The following TMEM123 variants were observed in gnomAD, a reference collection of about 807,000 sequenced individuals.
TMEM123 encodes transmembrane protein 123.
TMEM123 carries 16 observed loss-of-function variants against 19.7 expected under a neutral mutation model. The observed-to-expected ratio is 0.81, with a 90% confidence interval of 0.55 to 1.23. TMEM123 has a LOEUF of 1.23. Among genes scored for constraint, TMEM123 ranks in the 50% most tolerant of loss-of-function variants. The pLI is 0.00. For missense variants in TMEM123, 313 were observed against 257.8 expected (o/e 1.21, Z -1.47); for synonymous variants, 118 against 99.4 (o/e 1.19, Z -1.12).
chr11:102,426,058 G>C (rs1454199677), intron 2 of TMEM123, among the ~76,000 whole-genome samples: 1 of 152,172 alleles, frequency 6.6e-6, no homozygotes, highest in African/African-American at 2.4e-5. Context: ...AGCTCCCCCA[G>C]TACCTGGCAC....
At chr11:102,428,106 T>C (rs1427336705) in intron 2 of TMEM123, among the ~76,000 whole-genome samples, 1 of 152,100 alleles carries the variant, frequency 6.6e-6, no homozygotes, top group Non-Finnish European at 1.5e-5. Flanking sequence ...TTCCTCACCC[T>C]TCCTGGGAGT....
chr11:102,418,835 G>C (rs980890480), intron 2 of TMEM123, among the ~76,000 whole-genome samples: 1 of 152,140 alleles, frequency 6.6e-6, no homozygotes, highest in African/African-American at 2.4e-5. Context: ...GCCATAAAAA[G>C]GAATGAAATC....
intron 3 of TMEM123, 88 bp from the exon 4 acceptor site, chr11:102,401,780 G>A (rs1186639743): frequency 6.7e-7 from 1 of 1,493,938 alleles, no homozygotes; most frequent in Non-Finnish European, 8.9e-7. Context: ...TCTGTGTTAA[G>A]AACATTTAAT....
rs1313757422 is a variant in TMEM123, at chr11:102,397,809, T to C, written c.*1058A>G. 1 of 152,180 alleles carries C rather than the reference T, an allele frequency of 6.6e-6. No homozygotes were observed. The highest frequency in any genetic ancestry group is 1.5e-5 in the Non-Finnish European group (1 of 68,022). The allele number at this position is 152,180 out of a possible 1,614,324, so 9.4% of individuals were successfully genotyped here. On this transcript the variant is annotated 3_prime_UTR_variant, in exon 5 of 5. Coordinates refer to ENST00000398136, the MANE Select transcript of TMEM123 (RefSeq NM_052932.3). ...TGCAGGTTTAGTTGCCTGGGGGAAG[T>C]CCCACAATCCCTGGCTTAATAAACA...
rs749165544 is a variant in TMEM123, at chr11:102,402,134, A to G, written c.230T>C (p.Val77Ala). The G allele has an allele frequency of 6.2e-7, 1 of 1,614,172 alleles. No individual in the cohort carries two copies. Residue 77 changes from valine to alanine, a missense_variant, in exon 3 of 5, where the codon GTT becomes GCT. Transcript: ENST00000398136. The part of the protein sequence containing the change: ...SNSTVKPPTS[V>A]ASDSSNTTVT... ...CGTTGTATTACTGGAGTCTGAGGCA[A>G]CTGAAGTTGGTGGTTTCACAGTACT... is the stretch of plus-strand genomic sequence containing the variant.
intron 2 of TMEM123, among the ~76,000 whole-genome samples, chr11:102,444,558 T>G (rs1857862178): frequency 4.4e-5 from 6 of 136,890 alleles, no homozygotes; most frequent in Non-Finnish European, 6.3e-5. Context: ...GGGGGTGGGG[T>G]GGGACAGCAT....
intron 2 of TMEM123, among the ~76,000 whole-genome samples, chr11:102,428,476 T>A (rs1054181841): frequency 2.6e-5 from 4 of 151,604 alleles, no homozygotes; most frequent in Non-Finnish European, 5.9e-5. Flanking sequence ...TTTTTTTTTT[T>A]TTTATTTTTT....
intron 2 of TMEM123, among the ~76,000 whole-genome samples, chr11:102,410,457 T>C (rs960590382): frequency 5.9e-5 from 9 of 151,336 alleles, no homozygotes; most frequent in Non-Finnish European, 1.3e-4. Flanking sequence ...CCATAGGTCT[T>C]GCCCATTCCA....
rs1253355877 is a variant in TMEM123, at chr11:102,401,915, C to T, written c.448+1G>A. The T allele has an allele frequency of 1.2e-6, 2 of 1,612,812 alleles. No individual in the cohort carries two copies. Among genetic ancestry groups the T allele is most frequent in the Non-Finnish European group, 1.7e-6 (2 of 1,179,216 alleles). On this transcript the variant is annotated splice_donor_variant, in intron 3 of 4. Transcript: ENST00000398136. LOFTEE classifies it high-confidence loss of function. ...AAAAAAAGGTCAGCTTTAATACATA[C>T]TTGTTACTGATGAAGCAGCAGATGT...
At chr11:102,440,414 G>A (rs1857812918) in intron 2 of TMEM123, among the ~76,000 whole-genome samples, 1 of 152,156 alleles carries the variant, frequency 6.6e-6, no homozygotes, top group Non-Finnish European at 1.5e-5. Flanking sequence ...TTAAAGAAAA[G>A]AATTTTCAAC....
chr11:102,399,543 A>G lies in TMEM123; in HGVS notation c.603-652T>C, dbSNP rs7927794. Reference sequence around the variant, plus strand: ...TTTAATCTGACAAACCACCACCTTAATATTCTTTTAAAATCAGTTTGAGCC... The same window carrying G: ...TTTAATCTGACAAACCACCACCTTAGTATTCTTTTAAAATCAGTTTGAGCC... On this transcript the variant is annotated intron_variant, in intron 4 of 4. Transcript: ENST00000398136. Among the ~76,000 whole-genome samples the G allele has an allele frequency of 6.5e-3, 989 of 152,320 alleles. 17 individuals carry two copies. The highest frequency in any genetic ancestry group is 0.022 in the African/African-American group (935 of 41,560).
chr11:102,441,970 G>A (rs970022836), intron 2 of TMEM123, among the ~76,000 whole-genome samples: 15 of 152,206 alleles, frequency 9.9e-5, no homozygotes, highest in Admixed American at 2.0e-4. Context: ...ATAAATTCCT[G>A]GACACATACA....
chr11:102,435,398 G>A (rs1857752444), intron 2 of TMEM123, among the ~76,000 whole-genome samples: 1 of 151,816 alleles, frequency 6.6e-6, no homozygotes, highest in African/African-American at 2.4e-5. Context: ...CACATCACAT[G>A]CACATTAGGT....
At chr11:102,404,509 C>T (rs1459290723) in intron 2 of TMEM123, among the ~76,000 whole-genome samples, 1 of 152,104 alleles carries the variant, frequency 6.6e-6, no homozygotes, top group Non-Finnish European at 1.5e-5. Context: ...GTTTCAAACT[C>T]CTGACATCAG....
chr11:102,435,824 G>A lies in TMEM123; in HGVS notation c.157+12988C>T, dbSNP rs182868314. Among the ~76,000 whole-genome samples, 17 of 151,862 alleles carry A rather than the reference G, an allele frequency of 1.1e-4. 1 individual carries two copies. The highest frequency in any genetic ancestry group is 3.9e-4 in the East Asian group (2 of 5,194). On this transcript the variant is annotated intron_variant, in intron 2 of 4. Transcript: ENST00000398136. ...TTCCATTCATATGAAAGTCCAGAAC[G>A]GGAAAATGAAAGTAGATTTGTGGTT...
intron 2 of TMEM123, among the ~76,000 whole-genome samples, chr11:102,430,155 G>A (rs1382693970): frequency 6.6e-6 from 1 of 152,216 alleles, no homozygotes; most frequent in Non-Finnish European, 1.5e-5. Context: ...GACAACTGTG[G>A]CAATTCTCCC....
rs1951870041 is a variant in TMEM123 at position 102,397,747 on chromosome 11, T to G, written c.*1120A>C. The G allele has an allele frequency of 6.6e-6, 1 of 152,190 alleles. No individual in the cohort carries two copies. The highest frequency in any genetic ancestry group is 2.1e-4 in the South Asian group (1 of 4,834). The allele number at this position is 152,190 out of a possible 1,614,324, so 9.4% of individuals were successfully genotyped here. Reference sequence around the variant, plus strand: ...GTCATTTCCCCAAATCTGAGTAATATCGACAGTGCATGAAAGAAAATATAG... The same window carrying G: ...GTCATTTCCCCAAATCTGAGTAATAGCGACAGTGCATGAAAGAAAATATAG... On this transcript the variant is annotated 3_prime_UTR_variant, in exon 5 of 5. Coordinates refer to ENST00000398136, the MANE Select transcript of TMEM123 (RefSeq NM_052932.3).
intron 2 of TMEM123, among the ~76,000 whole-genome samples, chr11:102,439,705 C>T (rs572086477): frequency 3.5e-4 from 53 of 152,280 alleles, no homozygotes; most frequent in African/African-American, 9.4e-4. Flanking sequence ...ATGACTTTGA[C>T]GAGTTGAGAG....
intron 2 of TMEM123, among the ~76,000 whole-genome samples, chr11:102,432,352 C>T (rs1384387524): frequency 6.6e-6 from 1 of 152,158 alleles, no homozygotes; most frequent in Non-Finnish European, 1.5e-5. Context: ...CTGAGGTGGT[C>T]TCAGATGCAG....
Sources: gnomAD v4.1 joint callset for allele counts (sites outside exome capture counted in the v4.1 genomes callset) on GRCh38, gnomAD v4.1.1 for gene constraint, MANE v1.5 for transcripts, NCBI Gene and HGNC (gene_info 2026-07-23, HGNC 2026-07-21) for gene names.